Variants in OCIAD1 observed in about 807,000 individuals in gnomAD.
OCIAD1 encodes OCIA domain containing 1.
In OCIAD1, 29 loss-of-function variants were observed where a neutral mutation model predicts 38.9. The observed-to-expected ratio is 0.74, with a 90% CI of 0.55 to 1.02. The LOEUF is 1.02. Ranked by LOEUF, OCIAD1 falls within the 50% of genes least tolerant of loss-of-function variation. The pLI, the probability that OCIAD1 is intolerant of heterozygous loss-of-function variation, is 0.00. For missense variants in OCIAD1, 288 were observed against 289.6 expected, an observed-to-expected ratio of 0.99 and a Z score of 0.04; for synonymous variants, 110 against 92.0, an observed-to-expected ratio of 1.20 and a Z score of -1.12.
At chr4:48,833,662 T>C (rs1777733105) in intron 3 of OCIAD1, among the ~76,000 whole-genome samples, 181 bp downstream of exon 3, 1 of 152,208 alleles carries the variant, frequency 6.6e-6, no homozygotes, top group Non-Finnish European at 1.5e-5. Flanking sequence ...TTTAAAGTAA[T>C]TATTTCCAGA....
intron 1 of OCIAD1, among the ~76,000 whole-genome samples, chr4:48,822,341 T>C (rs1388630194): frequency 1.3e-5 from 2 of 152,228 alleles, no homozygotes; most frequent in Non-Finnish European, 2.9e-5. Context: ...GGCTTGGCCA[T>C]ATGCAGAAAA....
At position 48,860,737 on chromosome 4, in the gene OCIAD1, A is replaced by G. The variant is rs140304608; in HGVS notation, c.713A>G (p.Lys238Arg). Residue 238 changes from lysine (K) to arginine (R), a missense_variant, in exon 9 of 9, where the codon AAG becomes AGG. By Grantham distance (26) the Lys-to-Arg change is conservative (BLOSUM62 2). Coordinates refer to ENST00000264312, the MANE Select transcript of OCIAD1 (RefSeq NM_017830.4). The part of the protein sequence containing the change: ...RVPKKEVKVN[K>R]YGDTWDE ...GCTTTTTTCCTAGTCAAAGTAAACA[A>G]GTATGGAGATACTTGGGATGAGTGA... The G allele has an allele frequency of 2.4e-4, 389 of 1,603,164 alleles. No homozygotes were observed. The African/African-American group carries it at 4.9e-3, about 20-fold the overall frequency.
intron 1 of OCIAD1, among the ~76,000 whole-genome samples, chr4:48,824,207 C>G (rs1777225963): frequency 6.6e-6 from 1 of 152,098 alleles, no homozygotes; most frequent in Admixed American, 6.6e-5. Context: ...TCTCAAACTC[C>G]TAAGCTCAAA....
chr4:48,836,886 C>A (rs994237640), intron 3 of OCIAD1, among the ~76,000 whole-genome samples: 1 of 152,174 alleles, frequency 6.6e-6, no homozygotes, highest in Admixed American at 6.5e-5. Flanking sequence ...ATAACTGGAA[C>A]GAGTTGAGAA....
intron 1 of OCIAD1, among the ~76,000 whole-genome samples, chr4:48,810,780 A>AG (rs1399925233): frequency 6.6e-6 from 1 of 152,028 alleles, no homozygotes; most frequent in African/African-American, 2.4e-5. Flanking sequence ...ACCGAAGTGG[A>AG]GGAAAAAAAG....
At chr4:48,822,082 G>T (rs917014288) in intron 1 of OCIAD1, among the ~76,000 whole-genome samples, 5 of 152,110 alleles carry the variant, frequency 3.3e-5, no homozygotes, top group African/African-American at 1.2e-4. Context: ...AGCCCACATA[G>T]CCAAGACAAT....
At chr4:48,836,688 A>G (rs1423059409) in intron 3 of OCIAD1, among the ~76,000 whole-genome samples, 1 of 152,208 alleles carries the variant, frequency 6.6e-6, no homozygotes. Context: ...GAAAGAATCA[A>G]CAAAGACCAA....
Position 48,823,845 on chromosome 4 carries a change from T to TG in OCIAD1, c.-102-6732_-102-6731insG, listed in dbSNP as rs60495811. ...CTGGCTTTTTTTTTTTTTTTTTTTT[T>TG]TTGTAGAGATGGAGTCTTGCTATGT... On this transcript the variant is annotated intron_variant, in intron 1 of 6. Transcript: ENST00000504654. 2.7e-5 allele frequency among the ~76,000 whole-genome samples: 4 copies of TG among 147,224 alleles called. No homozygotes were observed. The East Asian group carries it at 8.0e-4, about 29-fold the overall frequency.
intron 8 of OCIAD1, chr4:48,860,277 A>G (rs999995415): frequency 6.5e-6 from 1 of 153,646 alleles, no homozygotes; most frequent in African/African-American, 2.4e-5. Context: ...GTGAAAAACG[A>G]AAATTCAAAT....
chr4:48,831,251 T>G lies in OCIAD1; in HGVS notation c.-6+2T>G, dbSNP rs1579044374. The G allele has an allele frequency of 3.0e-6, 1 of 335,900 alleles. No homozygotes were observed. Among genetic ancestry groups the G allele is most frequent in the East Asian group, 7.9e-5 (1 of 12,704 alleles). 20.8% of individuals were successfully genotyped at this position (335,900 alleles called of 1,614,324 possible). A position where few individuals can be genotyped will look rare whatever the true frequency, so the allele number is the denominator to read the frequency against. ...GTCGCCTGCTGCTGTCGTCGGGAGG[T>G]GGGTGAGGTGACGCAAACAGCCCCG... is the stretch of plus-strand genomic sequence containing the variant. On this transcript the variant is annotated splice_donor_variant, in intron 1 of 8. Coordinates refer to ENST00000264312, the MANE Select transcript of OCIAD1 (RefSeq NM_017830.4). LOFTEE classifies it low-confidence loss of function (5UTR_SPLICE).
At chr4:48,820,113 A>G (rs190789784) in intron 1 of OCIAD1, among the ~76,000 whole-genome samples, 54 of 152,330 alleles carry the variant, frequency 3.5e-4, no homozygotes, top group Admixed American at 2.1e-3. Flanking sequence ...TCTCAGCACC[A>G]CATAGCACGT....
At chr4:48,835,647 C>G (rs1248350440) in intron 3 of OCIAD1, among the ~76,000 whole-genome samples, 1 of 152,096 alleles carries the variant, frequency 6.6e-6, no homozygotes, top group African/African-American at 2.4e-5. Context: ...GTTGCCCAGG[C>G]TAATCTTGAA....
rs558630604 is a variant in OCIAD1 at position 48,806,828 on chromosome 4, T to A, written c.-103+1498T>A. 2.6e-5 allele frequency among the ~76,000 whole-genome samples: 4 copies of A among 152,278 alleles called. No homozygotes were observed. The South Asian group carries it at 8.3e-4, about 32-fold the overall frequency. On this transcript the variant is annotated intron_variant, in intron 1 of 6. Transcript: ENST00000504654. ...ACCATGTCGGCCAGGATGGTCTCGA[T>A]CTCTTGACCTTGTGATCCACCCACC...
At chr4:48,811,509 A>G (rs749422923) in intron 1 of OCIAD1, among the ~76,000 whole-genome samples, 5 of 152,208 alleles carry the variant, frequency 3.3e-5, no homozygotes, top group Non-Finnish European at 5.9e-5. Flanking sequence ...CCAAGCAGGT[A>G]CCCATCTTAG....
At chr4:48,846,620 C>T (rs1779000202) in intron 4 of OCIAD1, among the ~76,000 whole-genome samples, 1 of 151,934 alleles carries the variant, frequency 6.6e-6, no homozygotes, top group South Asian at 2.1e-4. Context: ...TGGTGGTGTG[C>T]ACCTGTAGTC....
At chr4:48,825,004 G>A (rs1475499081) in intron 1 of OCIAD1, among the ~76,000 whole-genome samples, 1 of 152,152 alleles carries the variant, frequency 6.6e-6, no homozygotes, top group African/African-American at 2.4e-5. Flanking sequence ...CCAAAGTACT[G>A]GGACTTACAG....
chr4:48,860,955 C>A lies in OCIAD1; in HGVS notation c.*193C>A. On this transcript the variant is annotated 3_prime_UTR_variant, in exon 9 of 9. Coordinates refer to ENST00000264312, the MANE Select transcript of OCIAD1 (RefSeq NM_017830.4). Reference sequence around the variant, plus strand: ...TTAGTGTTAATATTGTGTAAATGTACTCACCTTAGGGATTCATTTGAATGA... The same window carrying A: ...TTAGTGTTAATATTGTGTAAATGTAATCACCTTAGGGATTCATTTGAATGA... 1 of 578,014 alleles carries A rather than the reference C, an allele frequency of 1.7e-6. No homozygotes were observed. Among genetic ancestry groups the A allele is most frequent in the Non-Finnish European group, 3.1e-6 (1 of 322,668 alleles). The allele number at this position is 578,014 out of a possible 1,614,324, so 35.8% of individuals were successfully genotyped here. A position where few individuals can be genotyped will look rare whatever the true frequency, so the allele number is the denominator to read the frequency against.
chr4:48,824,884 C>A (rs1022410541), intron 1 of OCIAD1, among the ~76,000 whole-genome samples: 21 of 151,966 alleles, frequency 1.4e-4, no homozygotes, highest in Non-Finnish European at 2.9e-4. Flanking sequence ...TACAGGCATG[C>A]ACCACTACAT....
In OCIAD1 at chr4:48,851,842, G is replaced by T. The variant is rs978553760; in HGVS notation, c.414G>T (p.Val138=). The change falls in exon 7 of 9, where the codon GTG becomes GTT. Residue 138 remains valine, a synonymous_variant. Coordinates refer to ENST00000264312, the MANE Select transcript of OCIAD1 (RefSeq NM_017830.4). ...YYQKSKYDSS[V]SGQSSFVTSP... ...AAAAGTCAAAATATGACTCAAGTGT[G>T]AGTGGTCAATCATCTTTTGTGACAT... 1.9e-6 allele frequency: 3 copies of T among 1,613,190 alleles called. No individual in the cohort carries two copies. Among genetic ancestry groups the T allele is most frequent in the Non-Finnish European group, 2.5e-6 (3 of 1,179,302 alleles).
Sources: allele counts gnomAD v4.1 joint callset (sites outside exome capture counted in the v4.1 genomes callset), GRCh38; gene constraint gnomAD v4.1.1; transcripts MANE v1.5; gene names NCBI Gene and HGNC (gene_info 2026-07-23, HGNC 2026-07-21).